The following PLD5 variants were observed in gnomAD, a reference collection of about 807,000 sequenced individuals.
PLD5 encodes the protein inactive phospholipase D5.
Under a neutral mutation model 61.1 loss-of-function variants are expected in PLD5, and 36 were observed. The observed-to-expected ratio is 0.59, with a 90% CI of 0.45 to 0.78. The LOEUF is 0.78. Among genes scored for constraint, PLD5 ranks in the 30% least tolerant of loss-of-function variants. PLD5 has a pLI of 0.00. For missense variants in PLD5, 515 were observed against 644.4 expected (o/e 0.80, Z 2.17); for synonymous variants, 243 against 242.8 (o/e 1.00, Z -0.01).
chr1:242,162,184 A>G (rs1002993302), intron 5 of PLD5, among the ~76,000 whole-genome samples: 3 of 152,210 alleles, frequency 2.0e-5, no homozygotes, highest in Non-Finnish European at 2.9e-5. Context: ...TAAAATGTCA[A>G]AAGATTGACA....
intron 5 of PLD5, among the ~76,000 whole-genome samples, chr1:242,130,465 C>T (rs1663149248): frequency 6.6e-6 from 1 of 152,202 alleles, no homozygotes; most frequent in Non-Finnish European, 1.5e-5. Context: ...CGTAGATACA[C>T]AGTAGTGGGA....
chr1:242,387,869 T>G (rs1558518389), intron 1 of PLD5, among the ~76,000 whole-genome samples: 1 of 152,088 alleles, frequency 6.6e-6, no homozygotes, highest in Non-Finnish European at 1.5e-5. Flanking sequence ...AAACTAAGCA[T>G]TAAGACTGTA....
chr1:242,320,942 C>G (rs1241087461), intron 2 of PLD5, among the ~76,000 whole-genome samples: 1 of 152,182 alleles, frequency 6.6e-6, no homozygotes, highest in Admixed American at 6.5e-5. Flanking sequence ...GAAAAATTCC[C>G]TCTCATCAGA....
At chr1:242,318,565 C>T (rs778847429) in intron 2 of PLD5, among the ~76,000 whole-genome samples, 11 of 152,210 alleles carry the variant, frequency 7.2e-5, no homozygotes, top group Admixed American at 3.9e-4. Flanking sequence ...TTGTGAATCC[C>T]GACGTGGGAT....
intron 5 of PLD5, among the ~76,000 whole-genome samples, chr1:242,183,735 A>T (rs1667674626): frequency 6.6e-6 from 1 of 152,074 alleles, no homozygotes; most frequent in Admixed American, 6.5e-5. Flanking sequence ...TCTACTAAAA[A>T]TACAAAAAAT....
chr1:242,476,879 G>A (rs867298663), intron 1 of PLD5, among the ~76,000 whole-genome samples: 10 of 152,174 alleles, frequency 6.6e-5, no homozygotes, highest in African/African-American at 1.9e-4. Context: ...AAGACTTGGC[G>A]TGGTGTGTGT....
intron 1 of PLD5, among the ~76,000 whole-genome samples, chr1:242,351,179 G>A (rs952147832): frequency 1.3e-5 from 2 of 152,136 alleles, no homozygotes; most frequent in African/African-American, 4.8e-5. Context: ...GGGATTACAG[G>A]CATGAGCAAC....
intron 5 of PLD5, among the ~76,000 whole-genome samples, chr1:242,139,877 G>A (rs1316078898): frequency 6.6e-6 from 1 of 152,124 alleles, no homozygotes; most frequent in East Asian, 1.9e-4. Flanking sequence ...GCTTGGCCAG[G>A]GATGCTACAG....
At chr1:242,528,002 C>A (rs1161424186), upstream of PLD5, among the ~76,000 whole-genome samples, 2 of 152,198 alleles carry the variant, frequency 1.3e-5, no homozygotes, top group Non-Finnish European at 2.9e-5. Context: ...CTTTACCGTG[C>A]TGTTAGTGCC....
intron 3 of PLD5, among the ~76,000 whole-genome samples, chr1:242,277,217 C>A (rs1349053173): frequency 1.3e-5 from 2 of 152,034 alleles, no homozygotes; most frequent in Non-Finnish European, 2.9e-5. Context: ...AGAGGGGAGA[C>A]CAAGGCAAGA....
intron 1 of PLD5, among the ~76,000 whole-genome samples, chr1:242,438,835 T>C (rs1200541721): frequency 6.6e-6 from 1 of 152,206 alleles, no homozygotes; most frequent in African/African-American, 2.4e-5. Flanking sequence ...CTCCTTTAAT[T>C]GATAATTAGT....
At chr1:242,344,400 C>T (rs1465245102) in intron 2 of PLD5, among the ~76,000 whole-genome samples, 1 of 152,120 alleles carries the variant, frequency 6.6e-6, no homozygotes, top group Non-Finnish European at 1.5e-5. Context: ...GCAGCAAGCT[C>T]TAACTAAATA....
intron 6 of PLD5, among the ~76,000 whole-genome samples, chr1:242,120,833 A>C (rs547760268): frequency 1.3e-5 from 2 of 152,358 alleles, no homozygotes; most frequent in South Asian, 4.1e-4. Context: ...AAATGCAAGA[A>C]AATGAGAATT....
intron 1 of PLD5, among the ~76,000 whole-genome samples, chr1:242,512,828 C>A (rs1451882647): frequency 6.6e-6 from 1 of 151,892 alleles, no homozygotes; most frequent in Admixed American, 6.6e-5. Flanking sequence ...TCAGTAGTTT[C>A]TCATGCAAAC....
Position 242,083,263 on chromosome 1 carries a change from G to A in PLD5, c.*6591C>T, listed in dbSNP as rs1362968693. 1 of 152,146 alleles carries A rather than the reference G, an allele frequency of 6.6e-6. No homozygotes were observed. The highest frequency in any genetic ancestry group is 2.4e-5 in the African/African-American group (1 of 41,446). The allele number at this position is 152,146 out of a possible 1,614,324, so 9.4% of individuals were successfully genotyped here. On this transcript the variant is annotated 3_prime_UTR_variant, in exon 10 of 10. Coordinates refer to ENST00000536534, the MANE Select transcript of PLD5 (RefSeq NM_001372062.1). ...TGGTGTTCAAACTCCCTAAAAGAGG[G>A]CCGTGATTGGTGGGGCCAGGTACCA...
In PLD5 at chr1:242,248,598, G is replaced by C. The variant is rs1357047814; in HGVS notation, c.607+16739C>G. On this transcript the variant is annotated intron_variant, in intron 4 of 9. Coordinates refer to ENST00000536534, the MANE Select transcript of PLD5 (RefSeq NM_001372062.1). ...TCACCCTTTTTGCCTTTAAAAGCCT[G>C]TTTGTAACAAAGGCTGAAGGGAGCT... is the stretch of plus-strand genomic sequence containing the variant. Among the ~76,000 whole-genome samples the C allele has an allele frequency of 2.0e-5, 3 of 151,952 alleles. No individual in the cohort carries two copies. In the East Asian group the frequency reaches 5.8e-4, roughly 29 times the overall value.
At chr1:242,093,628 TTG>T (rs979926693) in intron 9 of PLD5, among the ~76,000 whole-genome samples, 3 of 152,134 alleles carry the variant, frequency 2.0e-5, no homozygotes, top group African/African-American at 7.2e-5. Flanking sequence ...CACCCTTTAC[TTG>T]TACTCCATGT....
chr1:242,143,097 C>T (rs918852962), intron 5 of PLD5, among the ~76,000 whole-genome samples: 11 of 150,428 alleles, frequency 7.3e-5, no homozygotes, highest in East Asian at 2.0e-4. Flanking sequence ...GTGCCATCTC[C>T]GCTCACTGCA....
At chr1:242,323,010 A>G (rs1475032135) in intron 2 of PLD5, among the ~76,000 whole-genome samples, 4 of 152,180 alleles carry the variant, frequency 2.6e-5, no homozygotes, top group African/African-American at 9.7e-5. Flanking sequence ...CTCCCACTAG[A>G]CAATGTCTAA....
Sources: allele counts gnomAD v4.1 joint callset (sites outside exome capture counted in the v4.1 genomes callset), GRCh38; gene constraint gnomAD v4.1.1; transcripts MANE v1.5; gene names NCBI Gene and HGNC (gene_info 2026-07-23, HGNC 2026-07-21).